Variants in FHIT observed in about 807,000 individuals in gnomAD.
FHIT encodes fragile histidine triad diadenosine triphosphatase, also known as bis(5'-adenosyl)-triphosphatase.
FHIT carries 19 observed loss-of-function variants against 17.9 expected under a neutral mutation model. The ratio of observed to expected loss-of-function variants is 1.06; its 90% confidence interval spans 0.74 to 1.56. The LOEUF is 1.56. Ranked by LOEUF, FHIT falls within the 40% of genes most tolerant of loss-of-function variation. FHIT has a pLI of 0.00. For synonymous variants in FHIT, 81 were observed against 69.7 expected (o/e 1.16, Z -0.81); for missense variants, 248 against 189.2 (o/e 1.31, Z -1.82).
chr3:60,443,578 T>C (rs1032280379), intron 5 of FHIT, among the ~76,000 whole-genome samples: 6 of 152,316 alleles, frequency 3.9e-5, no homozygotes, highest in Middle Eastern at 3.4e-3. Flanking sequence ...ATTACATTTA[T>C]TGATTTGCAT....
intron 5 of FHIT, among the ~76,000 whole-genome samples, chr3:60,379,179 C>T (rs1224310326): frequency 6.6e-6 from 1 of 152,126 alleles, no homozygotes; most frequent in African/African-American, 2.4e-5. Context: ...ATCATAATAT[C>T]AATTTCTGCA....
rs538578545 is a variant in FHIT, at chr3:60,754,292, T to C, written c.-18+67627A>G. 3.9e-5 allele frequency among the ~76,000 whole-genome samples: 6 copies of C among 152,316 alleles called. No individual in the cohort carries two copies. In the East Asian group the frequency reaches 7.7e-4, roughly 20 times the overall value. Reference sequence around the variant, plus strand: ...TTAAATGTAAAGATGATACTACTCATTGATGCAATGTTATCCTGATAGTGG... The same window carrying C: ...TTAAATGTAAAGATGATACTACTCACTGATGCAATGTTATCCTGATAGTGG... On this transcript the variant is annotated intron_variant, in intron 4 of 9. Coordinates refer to ENST00000492590, the MANE Select transcript of FHIT (RefSeq NM_002012.4).
At chr3:60,527,051 G>A (rs1363072455) in intron 5 of FHIT, among the ~76,000 whole-genome samples, 1 of 152,124 alleles carries the variant, frequency 6.6e-6, no homozygotes, top group Admixed American at 6.5e-5. Flanking sequence ...GTGGATGTGG[G>A]GAGCATCTGT....
intron 8 of FHIT, among the ~76,000 whole-genome samples, chr3:59,874,277 A>T (rs1042444522): frequency 2.0e-5 from 3 of 152,236 alleles, no homozygotes; most frequent in African/African-American, 7.2e-5. Context: ...CCATGTGTTA[A>T]TGCAAAGGGC....
intron 4 of FHIT, among the ~76,000 whole-genome samples, chr3:60,553,128 T>C (rs1487954337): frequency 6.6e-6 from 1 of 152,196 alleles, no homozygotes; most frequent in Non-Finnish European, 1.5e-5. Context: ...TTGCTTTTAT[T>C]AATCTTTCTT....
At chr3:60,383,717 A>G (rs187832481) in intron 5 of FHIT, among the ~76,000 whole-genome samples, 161 of 152,230 alleles carry the variant, frequency 1.1e-3, no homozygotes, top group African/African-American at 3.5e-3. Context: ...CCATGTGACC[A>G]TTTAGAGAGT....
chr3:60,577,523 A>AATGGTTCATTTAATTTG (rs1170347754), intron 4 of FHIT, among the ~76,000 whole-genome samples: 3 of 152,302 alleles, frequency 2.0e-5, no homozygotes, highest in East Asian at 3.9e-4. Context: ...AAACGTAGTC[A>AATGGTTCATTTAATTTG]ATGGTTCATT....
intron 4 of FHIT, among the ~76,000 whole-genome samples, chr3:60,620,036 G>A (rs941540972): frequency 1.3e-5 from 2 of 151,994 alleles, no homozygotes; most frequent in African/African-American, 2.4e-5. Context: ...ACATACAGAT[G>A]GAATACAGGC....
At chr3:60,400,058 T>A (rs1417957607) in intron 5 of FHIT, among the ~76,000 whole-genome samples, 3 of 152,126 alleles carry the variant, frequency 2.0e-5, no homozygotes, top group Non-Finnish European at 4.4e-5. Context: ...GGGTGCTCTA[T>A]GGGGATGGCA....
chr3:60,231,175 C>G (rs1202786793), intron 5 of FHIT, among the ~76,000 whole-genome samples: 2 of 152,160 alleles, frequency 1.3e-5, no homozygotes, highest in South Asian at 2.1e-4. Flanking sequence ...TTTTCTCCTT[C>G]TTTGCAGATA....
intron 2 of FHIT, among the ~76,000 whole-genome samples, chr3:61,198,442 C>G (rs2038915495): frequency 6.6e-6 from 1 of 152,002 alleles, no homozygotes; most frequent in Admixed American, 6.6e-5. Context: ...GAGTAGGGCC[C>G]CTGGTTACAG....
chr3:60,206,987 A>G (rs1030659667), intron 5 of FHIT, among the ~76,000 whole-genome samples: 1 of 152,180 alleles, frequency 6.6e-6, no homozygotes, highest in Non-Finnish European at 1.5e-5. Context: ...TCAAAAGGAT[A>G]TATGTGTGTG....
intron 3 of FHIT, among the ~76,000 whole-genome samples, chr3:60,933,875 T>C (rs1207594860): frequency 6.6e-6 from 1 of 152,144 alleles, no homozygotes; most frequent in Admixed American, 6.5e-5. Flanking sequence ...CAAATGTTGA[T>C]TTTCTTCAGA....
At chr3:60,140,575 ATTTTTTTT>A (rs10540921) in intron 5 of FHIT, among the ~76,000 whole-genome samples, 1 of 129,018 alleles carries the variant, frequency 7.8e-6, no homozygotes, top group African/African-American at 2.9e-5. Flanking sequence ...CACAGACTCT[ATTTTTTTT>A]TTTTTTTTTT....
Position 60,123,835 on chromosome 3 carries a change from C to T in FHIT, c.104-109683G>A, listed in dbSNP as rs565704220. 3.3e-5 allele frequency among the ~76,000 whole-genome samples: 5 copies of T among 150,672 alleles called. No individual in the cohort carries two copies. The East Asian group carries it at 9.8e-4, about 29-fold the overall frequency. Reference sequence around the variant, plus strand: ...ATACTTCAGTAGTGATAGTATACTACTGAATGAGAATACACTGGATTCTCA... The same window carrying T: ...ATACTTCAGTAGTGATAGTATACTATTGAATGAGAATACACTGGATTCTCA... On this transcript the variant is annotated intron_variant, in intron 5 of 9. Coordinates refer to ENST00000492590, the MANE Select transcript of FHIT (RefSeq NM_002012.4).
chr3:60,412,424 C>T (rs191288629), intron 5 of FHIT, among the ~76,000 whole-genome samples: 1 of 152,114 alleles, frequency 6.6e-6, no homozygotes, highest in East Asian at 1.9e-4. Flanking sequence ...ATCATCATCT[C>T]CCTTCTGTCT....
chr3:60,348,082 T>C (rs931944375), intron 5 of FHIT, among the ~76,000 whole-genome samples: 1 of 151,978 alleles, frequency 6.6e-6, no homozygotes, highest in African/African-American at 2.4e-5. Flanking sequence ...TAAAAAGAAA[T>C]TCATGGTAAA....
At chr3:59,869,545 G>A (rs1019587852) in intron 8 of FHIT, among the ~76,000 whole-genome samples, 8 of 143,302 alleles carry the variant, frequency 5.6e-5, no homozygotes, top group South Asian at 2.2e-4. Context: ...GCAGTGGAGC[G>A]ATCTCGGCAT....
intron 8 of FHIT, among the ~76,000 whole-genome samples, chr3:59,787,027 T>A (rs1201470603): frequency 6.6e-6 from 1 of 152,258 alleles, no homozygotes; most frequent in African/African-American, 2.4e-5. Flanking sequence ...ATGGGAATTA[T>A]CAGAGGGCTG....
Sources: allele counts gnomAD v4.1 joint callset (sites outside exome capture counted in the v4.1 genomes callset), GRCh38; gene constraint gnomAD v4.1.1; transcripts MANE v1.5; gene names NCBI Gene and HGNC (gene_info 2026-07-23, HGNC 2026-07-21).